The following SLC8A1 variants were observed in gnomAD, a reference collection of about 807,000 sequenced individuals.
The protein encoded by SLC8A1 is sodium/calcium exchanger 1.
A neutral mutation model predicts 68.3 loss-of-function variants in SLC8A1; 18 were observed. That is an observed-to-expected ratio of 0.26 (90% CI 0.18 to 0.39). The LOEUF is 0.39. SLC8A1 is among the 10% of genes least tolerant of loss of function. The pLI, the probability that SLC8A1 is intolerant of heterozygous loss-of-function variation, is 1.00. For synonymous variants in SLC8A1, 475 were observed against 415.5 expected (o/e 1.14, Z -1.74); for missense variants, 985 against 1,156.7 (o/e 0.85, Z 2.15).
intron 2 of SLC8A1, among the ~76,000 whole-genome samples, chr2:40,421,308 AACTGGCTGAAAGGC>A (rs374625759): frequency 4.9e-4 from 75 of 152,224 alleles, no homozygotes; most frequent in African/African-American, 1.7e-3. Flanking sequence ...GAACCTCAGT[AACTGGCTGAAAGGC>A]ACAAAGCTGG....
At position 40,338,743 on chromosome 2, in the gene SLC8A1, A is replaced by G. The variant is rs1307548229; in HGVS notation, c.1808+89730T>C. ...AATTAGATGGCAATTATCTTCCATA[A>G]TTGGATTTTCTTCTTTTAGAAATTT... On this transcript the variant is annotated intron_variant, in intron 2 of 7. Coordinates refer to ENST00000406785, the Ensembl canonical transcript of SLC8A1. Among the ~76,000 whole-genome samples, 3 of 152,190 alleles carry G rather than the reference A, an allele frequency of 2.0e-5. No individual in the cohort carries two copies. The East Asian group carries it at 5.8e-4, about 29-fold the overall frequency.
intron 1 of SLC8A1, among the ~76,000 whole-genome samples, chr2:40,443,252 C>T (rs758321716): frequency 5.9e-5 from 9 of 152,202 alleles, no homozygotes; most frequent in Non-Finnish European, 1.2e-4. Context: ...GCACATATAT[C>T]CCAGAACTTA....
At chr2:40,341,130 T>G (rs1454370537) in intron 2 of SLC8A1, among the ~76,000 whole-genome samples, 1 of 152,210 alleles carries the variant, frequency 6.6e-6, no homozygotes, top group Non-Finnish European at 1.5e-5. Context: ...TTGTTTGGTG[T>G]GTACTAGCTT....
chr2:40,191,143 T>G (rs1008516105), intron 2 of SLC8A1, among the ~76,000 whole-genome samples: 4 of 152,152 alleles, frequency 2.6e-5, no homozygotes, highest in South Asian at 2.1e-4. Context: ...TAGTATAAAC[T>G]ACAAAGTAAA....
At chr2:40,382,396 T>C (rs983880984) in intron 2 of SLC8A1, among the ~76,000 whole-genome samples, 80 of 152,186 alleles carry the variant, frequency 5.3e-4, no homozygotes, top group African/African-American at 1.8e-3. Flanking sequence ...CAAGGGTTAG[T>C]ATTTTTATTC....
At chr2:40,294,420 G>C (rs1421936680) in intron 2 of SLC8A1, among the ~76,000 whole-genome samples, 1 of 152,052 alleles carries the variant, frequency 6.6e-6, no homozygotes, top group East Asian at 1.9e-4. Context: ...GACCACAGAG[G>C]TATTTAGTGG....
In SLC8A1 at chr2:40,127,031, T is replaced by C. The variant is rs534472178; in HGVS notation, c.2438-11402A>G. ...AATTTTTTAAATGGTATTTATCTCT[T>C]TTTTAATGACTTTATGAATGGTGTG... On this transcript the variant is annotated intron_variant, in intron 7 of 7. Coordinates refer to ENST00000406785, the Ensembl canonical transcript of SLC8A1. 2.0e-5 allele frequency among the ~76,000 whole-genome samples: 3 copies of C among 152,336 alleles called. No homozygotes were observed. In the East Asian group the frequency reaches 5.8e-4, roughly 29 times the overall value.
At chr2:40,392,423 G>C (rs561229624) in intron 2 of SLC8A1, among the ~76,000 whole-genome samples, 56 of 152,122 alleles carry the variant, frequency 3.7e-4, no homozygotes, top group Middle Eastern at 6.8e-3. Context: ...GAAAGGAAGA[G>C]AAATATCTTG....
intron 7 of SLC8A1, among the ~76,000 whole-genome samples, chr2:40,136,123 C>A (rs1234197525): frequency 6.6e-6 from 1 of 152,150 alleles, no homozygotes; most frequent in Non-Finnish European, 1.5e-5. Context: ...CTTACTCCAA[C>A]ATTTAAAGGT....
chr2:40,448,403 G>A lies in SLC8A1; in HGVS notation c.-25+3501C>T, dbSNP rs78519485. 2.6e-5 allele frequency among the ~76,000 whole-genome samples: 4 copies of A among 152,254 alleles called. No individual in the cohort carries two copies. The East Asian group carries it at 5.8e-4, about 22-fold the overall frequency. ...CCAAATCTGAATCTCAAAGGCAGAC[G>A]CTGAAAGCTCACATTCTCAGAATCT... On this transcript the variant is annotated intron_variant, in intron 1 of 7. Coordinates refer to ENST00000406785, the Ensembl canonical transcript of SLC8A1.
chr2:40,305,303 G>A (rs767266219), intron 2 of SLC8A1, among the ~76,000 whole-genome samples: 7 of 152,184 alleles, frequency 4.6e-5, no homozygotes, highest in Non-Finnish European at 1.0e-4. Flanking sequence ...AGCACTGGAT[G>A]TTGAGGGCTG....
intron 2 of SLC8A1, among the ~76,000 whole-genome samples, chr2:40,301,533 G>C (rs1295028018): frequency 2.0e-5 from 3 of 152,078 alleles, no homozygotes; most frequent in Non-Finnish European, 4.4e-5. Flanking sequence ...ATAAATGGGA[G>C]CTAAGCTATG....
intron 1 of SLC8A1, among the ~76,000 whole-genome samples, chr2:40,510,318 C>T (rs1706637565): frequency 6.6e-6 from 1 of 152,038 alleles, no homozygotes; most frequent in African/African-American, 2.4e-5. Flanking sequence ...ATAGTATATA[C>T]AAAATTAGCA....
intron 2 of SLC8A1, among the ~76,000 whole-genome samples, chr2:40,390,856 C>G (rs922963334): frequency 6.6e-6 from 1 of 151,776 alleles, no homozygotes; most frequent in Non-Finnish European, 1.5e-5. Flanking sequence ...GATCTGTGTA[C>G]CCAATTTGAT....
intron 2 of SLC8A1, among the ~76,000 whole-genome samples, chr2:40,207,322 AG>A (rs1279913448): frequency 6.6e-6 from 1 of 152,046 alleles, no homozygotes; most frequent in East Asian, 1.9e-4. Flanking sequence ...TCCCCGAAGC[AG>A]TGTGATTTTA....
At chr2:40,279,008 A>C (rs549594242) in intron 2 of SLC8A1, among the ~76,000 whole-genome samples, 1 of 152,192 alleles carries the variant, frequency 6.6e-6, no homozygotes, top group African/African-American at 2.4e-5. Flanking sequence ...CAGATTTTTA[A>C]GATGTGACAG....
chr2:40,176,693 A>G (rs2048530936), intron 3 of SLC8A1, among the ~76,000 whole-genome samples: 1 of 152,218 alleles, frequency 6.6e-6, no homozygotes, highest in African/African-American at 2.4e-5. Context: ...CTATGTGTCT[A>G]CATAGCAATT....
chr2:40,392,651 G>T (rs889268543), intron 2 of SLC8A1, among the ~76,000 whole-genome samples: 7 of 152,032 alleles, frequency 4.6e-5, no homozygotes, highest in Non-Finnish European at 8.8e-5. Context: ...AGCCTTCCAA[G>T]ATTTTGTATT....
rs115713885 is a variant in SLC8A1, at chr2:40,126,657, T to C, written c.2438-11028A>G. Among the ~76,000 whole-genome samples, 1,211 of 152,316 alleles carry C rather than the reference T, an allele frequency of 8.0e-3. 9 individuals are homozygous for C. Among genetic ancestry groups the C allele is most frequent in the African/African-American group, 0.027 (1,132 of 41,568 alleles). ...GAGGACACAGATTAGAGGTTTGAAG[T>C]GTGATTTGTTAGAGATTAGTAGTGT... On this transcript the variant is annotated intron_variant, in intron 7 of 7. Transcript: ENST00000406785.
Sources: allele counts gnomAD v4.1 joint callset (sites outside exome capture counted in the v4.1 genomes callset), GRCh38; gene constraint gnomAD v4.1.1; transcripts MANE v1.5; gene names NCBI Gene and HGNC (gene_info 2026-07-23, HGNC 2026-07-21).